Variants in ZNF385C observed in about 807,000 individuals in gnomAD.
ZNF385C encodes the protein zinc finger protein 385C, also known as CTD-2132N18.2.
A neutral mutation model predicts 35.4 loss-of-function variants in ZNF385C; 28 were observed. The observed-to-expected ratio is 0.79, with a 90% confidence interval of 0.59 to 1.08. The LOEUF (loss-of-function observed/expected upper bound fraction) is 1.08. Among genes scored for constraint, ZNF385C ranks in the 50% least tolerant of loss-of-function variants. The probability of loss-of-function intolerance (pLI) is 0.00; values close to 1 mark genes in which losing one functional copy is unlikely to be tolerated. For synonymous variants in ZNF385C, 248 were observed against 248.2 expected, an observed-to-expected ratio of 1.00 and a Z score of 0.01; for missense variants, 605 against 595.6, an observed-to-expected ratio of 1.02 and a Z score of -0.16.
At chr17:42,085,624 G>C (rs1391157238) in intron 1 of ZNF385C, among the ~76,000 whole-genome samples, 3 of 142,936 alleles carry the variant, frequency 2.1e-5, no homozygotes, top group African/African-American at 7.9e-5. Context: ...TTGAGACAGA[G>C]TCTCACTTTG....
rs781913903 is a variant in ZNF385C, at chr17:42,028,225, A to G, written c.989T>C (p.Met330Thr). 3.2e-6 allele frequency: 5 copies of G among 1,545,114 alleles called. No homozygotes were observed. Among genetic ancestry groups the G allele is most frequent in the Admixed American group, 4.2e-5 (2 of 47,982 alleles). The change falls in exon 7 of 9, where the codon ATG becomes ACG. Residue 330 changes from methionine to threonine, a missense_variant. Transcript: ENST00000692273. ...CCGGGGAGCCCCTCGCTGACCTTCC[A>G]TCATCCACCGGTGCTTGGCTCCTGG... ...HNTGAKHRWM[M>T]EGQRGAPRRS... is the part of the protein sequence containing the mutation.
At chr17:42,074,421 T>C (rs1555659075) in intron 1 of ZNF385C, among the ~76,000 whole-genome samples, 2 of 151,554 alleles carry the variant, frequency 1.3e-5, no homozygotes, top group African/African-American at 4.9e-5. Flanking sequence ...AGACGGAGTC[T>C]CACTCTGTCG....
chr17:42,061,748 C>T (rs2053465536), intron 2 of ZNF385C: 3 of 152,684 alleles, frequency 2.0e-5, no homozygotes, highest in Admixed American at 6.5e-5. Context: ...CCTCTTCCTT[C>T]AGGAGACTTT....
Position 42,037,795 on chromosome 17 carries a change from A to G in ZNF385C, c.341T>C (p.Leu114Ser). 2 of 1,530,494 alleles carry G rather than the reference A, an allele frequency of 1.3e-6. No homozygotes were observed. Among genetic ancestry groups the G allele is most frequent in the East Asian group, 2.5e-5 (1 of 40,792 alleles). 94.8% of individuals were successfully genotyped at this position (1,530,494 alleles called of 1,614,324 possible). A position where few individuals can be genotyped will look rare whatever the true frequency, so the allele number is the denominator to read the frequency against. Residue 114 changes from leucine (L) to serine (S), a missense_variant, in exon 3 of 9, where the codon TTG becomes TCG. By Grantham distance (145) the Leu-to-Ser change is moderately radical (BLOSUM62 -2). Transcript: ENST00000692273. The part of the protein sequence containing the change: ...PLQPPLDFKH[L>S]LAFHFNGAAP... ...AGCGCCATTGAAGTGGAAGGCGAGCAAGTGCTTGAAGTCCAGCGGGGGCTG... is the reference window on the plus strand; with the variant it reads ...AGCGCCATTGAAGTGGAAGGCGAGCGAGTGCTTGAAGTCCAGCGGGGGCTG...
intron 1 of ZNF385C, among the ~76,000 whole-genome samples, chr17:42,074,394 A>ATTT (rs112306488): frequency 1.4e-5 from 2 of 145,902 alleles, no homozygotes; most frequent in African/African-American, 5.0e-5. Context: ...GTTACTAAAG[A>ATTT]TTTTTTTTTT....
chr17:42,084,742 C>T (rs2053787729), intron 1 of ZNF385C, among the ~76,000 whole-genome samples: 1 of 151,986 alleles, frequency 6.6e-6, no homozygotes, highest in Admixed American at 6.6e-5. Flanking sequence ...TCCCAAGTAG[C>T]TTTGACTACA....
intron 2 of ZNF385C, chr17:42,040,553 GGCGCAGGGCCAGGGCCAGTGACCCC>G (rs1320702345): frequency 8.1e-7 from 1 of 1,232,986 alleles, no homozygotes; most frequent in Non-Finnish European, 1.0e-6. Context: ...AAGGTGAACT[GGCGCAGGGCCAGGGCCAGTGACCCC>G]GCCACAGGTG....
At chr17:42,055,444 G>A (rs1001152328) in intron 2 of ZNF385C, among the ~76,000 whole-genome samples, 3 of 152,022 alleles carry the variant, frequency 2.0e-5, no homozygotes, top group Non-Finnish European at 4.4e-5. Flanking sequence ...TGGGGGAGGG[G>A]GATGTGATGA....
intron 2 of ZNF385C, 56 bp from the exon 3 acceptor site, chr17:42,037,941 AGAACAAGAG>A: frequency 6.5e-7 from 1 of 1,546,940 alleles, no homozygotes; most frequent in Non-Finnish European, 8.7e-7. Flanking sequence ...CCCCGTGGCC[AGAACAAGAG>A]GCGGGTGGGC....
At chr17:42,096,269 A>C (rs1424412414) in intron 1 of ZNF385C, among the ~76,000 whole-genome samples, 1 of 152,250 alleles carries the variant, frequency 6.6e-6, no homozygotes, top group African/African-American at 2.4e-5. Flanking sequence ...AGACAGGCCC[A>C]GGGAAGAGGC....
chr17:42,027,781 A>C, intron 7 of ZNF385C, 53 bp from the exon 8 acceptor site: 1 of 1,560,842 alleles, frequency 6.4e-7, no homozygotes, highest in East Asian at 2.2e-5. Context: ...CAAGGACCCC[A>C]AGACCATCAT....
chr17:42,085,577 A>T (rs9797183), intron 1 of ZNF385C, among the ~76,000 whole-genome samples: 85,549 of 148,122 alleles, frequency 0.58, 24,801 homozygotes, highest in African/African-American at 0.63. Context: ...TGAGCCGCCA[A>T]GCTGGGCCTC....
At chr17:42,045,286 T>C (rs2053134035) in intron 2 of ZNF385C, among the ~76,000 whole-genome samples, 3 of 152,234 alleles carry the variant, frequency 2.0e-5, no homozygotes, top group Middle Eastern at 3.4e-3. Context: ...CTCCTGACCT[T>C]GTGATCCGCC....
chr17:42,047,373 C>T (rs2053186802), intron 2 of ZNF385C, among the ~76,000 whole-genome samples: 1 of 152,054 alleles, frequency 6.6e-6, no homozygotes. Flanking sequence ...CGGGGTTTCA[C>T]CGTGTTGACC....
intron 2 of ZNF385C, among the ~76,000 whole-genome samples, chr17:42,053,629 C>G (rs1457927492): frequency 4.6e-5 from 7 of 152,158 alleles, no homozygotes; most frequent in Admixed American, 3.3e-4. Context: ...CCTACCCTTT[C>G]TTTCACCTTT....
Position 42,031,638 on chromosome 17 carries a change from A to G in ZNF385C, c.657T>C (p.Pro219=), listed in dbSNP as rs2052730827. The G allele has an allele frequency of 1.3e-6, 2 of 1,550,474 alleles. No homozygotes were observed. Among genetic ancestry groups the G allele is most frequent in the Non-Finnish European group, 1.7e-6 (2 of 1,146,970 alleles). The change falls in exon 5 of 9, where the codon CCT becomes CCC. Residue 219 remains proline, a synonymous_variant. Transcript: ENST00000692273. ...ACTGACCTTTACTCTGTGGCTCTCCAGGGGCTCCACTGGCCAGCGTTGGGA... is the reference window on the plus strand; with the variant it reads ...ACTGACCTTTACTCTGTGGCTCTCCGGGGGCTCCACTGGCCAGCGTTGGGA... ...SPIPTLASGA[P]GEPQSKVPAA...
chr17:42,079,147 T>C lies in ZNF385C; in HGVS notation c.-2-16089A>G, dbSNP rs540242954. The stretch of plus-strand genomic sequence containing the variant: ...TGGGTGGATTGCTTGAGCCCAGGAG[T>C]TTGAGACCAGCCTGAGAAACATGAC... On this transcript the variant is annotated intron_variant, in intron 1 of 8. Coordinates refer to ENST00000692273, the MANE Select transcript of ZNF385C (RefSeq NM_001392013.1). 4.1e-5 allele frequency among the ~76,000 whole-genome samples: 6 copies of C among 145,022 alleles called. No individual in the cohort carries two copies. The South Asian group carries it at 1.3e-3, about 32-fold the overall frequency.
chr17:42,028,632 C>T (rs112614429), intron 6 of ZNF385C, 151 bp downstream of exon 6: 17 of 998,402 alleles, frequency 1.7e-5, no homozygotes, highest in African/African-American at 1.6e-4. Context: ...ATGGGAGGAC[C>T]CAGAAACGTC....
rs1555656288 is a variant in ZNF385C at position 42,043,020 on chromosome 17, G to A, written c.251-5135C>T. On this transcript the variant is annotated intron_variant, in intron 2 of 8. Transcript: ENST00000692273. Reference sequence around the variant, plus strand: ...TGGCCGGGTCTAACTCCACCTTGACGCCCCTGGAGGCAGGGGTCGTAGCCA... The same window carrying A: ...TGGCCGGGTCTAACTCCACCTTGACACCCCTGGAGGCAGGGGTCGTAGCCA... The A allele has an allele frequency of 4.1e-6, 5 of 1,232,186 alleles. No individual in the cohort carries two copies. In the Admixed American group the frequency reaches 1.3e-4, roughly 31 times the overall value. The allele number at this position is 1,232,186 out of a possible 1,614,324, so 76.3% of individuals were successfully genotyped here.
Sources: allele counts gnomAD v4.1 joint callset (sites outside exome capture counted in the v4.1 genomes callset), GRCh38; gene constraint gnomAD v4.1.1; transcripts MANE v1.5; gene names NCBI Gene and HGNC (gene_info 2026-07-23, HGNC 2026-07-21).